The following NEB variants were observed in gnomAD, a reference collection of about 807,000 sequenced individuals.
NEB encodes the protein nemaline myopathy type 2.
Under a neutral mutation model 952.2 loss-of-function variants are expected in NEB, and 512 were observed. That is an observed-to-expected ratio of 0.54 (90% CI 0.50 to 0.58). The LOEUF (loss-of-function observed/expected upper bound fraction) is 0.58. Ranked by LOEUF, NEB falls within the 20% of genes least tolerant of loss-of-function variation. NEB has a pLI of 0.00. For synonymous variants in NEB, 2,900 were observed against 3,149.8 expected (o/e 0.92, Z 2.66); for missense variants, 8,428 against 9,231.1 (o/e 0.91, Z 3.56).
Position 151,567,427 on chromosome 2 carries a change from G to A in NEB, c.17897C>T (p.Pro5966Leu), listed in dbSNP as rs368912483. The change falls in exon 114 of 182, where the codon CCG becomes CTG. Residue 5966 changes from proline (P) to leucine (L), a missense_variant. Pro to Leu is a moderately conservative substitution (Grantham distance 98). This residue lies in a region of NEB where 3,374 missense variants were observed against 3,651.5 expected (regional missense o/e 0.92). Transcript: ENST00000397345. ...VKQKGHYVGV[P>L]TMRDDPKLVW... Reference sequence around the variant, plus strand: ...CAGCTTAGGATCATCTCTCATCGTCGGGACACCAACATAATGACCTTTTTG... The same window carrying A: ...CAGCTTAGGATCATCTCTCATCGTCAGGACACCAACATAATGACCTTTTTG... The A allele has an allele frequency of 7.2e-5, 116 of 1,613,224 alleles. 1 individual carries two copies. Among genetic ancestry groups the A allele is most frequent in the African/African-American group, 6.3e-4 (47 of 74,832 alleles).
intron 18 of NEB, among the ~76,000 whole-genome samples, 168 bp downstream of exon 18, chr2:151,695,410 T>C (rs2149291780): frequency 6.6e-6 from 1 of 152,354 alleles, no homozygotes; most frequent in East Asian, 1.9e-4. Context: ...ACACATATTT[T>C]GTAAGGTGAA....
At chr2:151,726,330 G>GA (rs886524528) in intron 5 of NEB, among the ~76,000 whole-genome samples, 2 of 152,126 alleles carry the variant, frequency 1.3e-5, no homozygotes, top group African/African-American at 4.8e-5. Flanking sequence ...AAGAAGTTAA[G>GA]AAAATCTTGT....
intron 52 of NEB, among the ~76,000 whole-genome samples, chr2:151,651,703 TAA>T (rs2099031446): frequency 6.6e-6 from 1 of 152,192 alleles, no homozygotes. Context: ...ACAGTGATAA[TAA>T]TGAGTATACT....
Position 151,525,219 on chromosome 2 carries a change from T to G in NEB, c.22216A>C (p.Met7406Leu). The G allele has an allele frequency of 6.2e-7, 1 of 1,614,008 alleles. No individual in the cohort carries two copies. Among genetic ancestry groups the G allele is most frequent in the Non-Finnish European group, 8.5e-7 (1 of 1,179,858 alleles). The change falls in exon 151 of 182, where the codon ATG (methionine) becomes CTG (leucine). Residue 7406 changes from methionine to leucine, a missense_variant. Around this residue, in one of 11 missense-constraint regions of NEB, gnomAD observed 3,374 missense variants for 3,651.5 expected, o/e 0.92. Transcript: ENST00000397345. ...TGTTTCACCTCTGGTGGCTCCAGCATGATGGAGTAGTTGGATTTTCCTTTC... is the reference window on the plus strand; with the variant it reads ...TGTTTCACCTCTGGTGGCTCCAGCAGGATGGAGTAGTTGGATTTTCCTTTC... ...KEKGKSNYSI[M>L]LEPPEVKHAM...
intron 76 of NEB, 81 bp from the exon 77 acceptor site, chr2:151,614,668 T>C (rs1248841103): frequency 1.4e-6 from 2 of 1,437,536 alleles, no homozygotes; most frequent in Non-Finnish European, 1.9e-6. Flanking sequence ...ACATTGTTTC[T>C]TTTTCTTTTC....
At chr2:151,493,096 A>G in intron 176 of NEB, 1 of 401,412 alleles carries the variant, frequency 2.5e-6, no homozygotes, top group East Asian at 4.7e-5. Context: ...GGGAAGGAAA[A>G]CATTGGCAAT....
intron 19 of NEB, 35 bp from the exon 20 acceptor site, chr2:151,694,471 A>G: frequency 6.2e-7 from 1 of 1,613,186 alleles, no homozygotes. Context: ...ATTCCACTCA[A>G]GAGGAAATGT....
At position 151,667,693 on chromosome 2, in the gene NEB, A is replaced by G. The variant is rs562629326; in HGVS notation, c.4719+111T>C. The G allele has an allele frequency of 7.6e-5, 53 of 698,698 alleles. No homozygotes were observed. In the East Asian group the frequency reaches 1.4e-3, roughly 18 times the overall value. 43.3% of individuals were successfully genotyped at this position (698,698 alleles called of 1,614,324 possible). On this transcript the variant is annotated intron_variant, in intron 40 of 181. Transcript: ENST00000397345. ...CAGGTACACGCCACCACATCTGGCT[A>G]ATTTTTTTTTTTATTTCTGTAGAGA...
intron 23 of NEB, 63 bp from the exon 24 acceptor site, chr2:151,690,888 TA>T (rs1315025973): frequency 1.6e-6 from 2 of 1,220,672 alleles, no homozygotes; most frequent in Non-Finnish European, 2.4e-6. Flanking sequence ...TGCGCTAACA[TA>T]AAAAATGGTT....
chr2:151,641,036 A>G (rs368941494), intron 60 of NEB, among the ~76,000 whole-genome samples: 1 of 152,190 alleles, frequency 6.6e-6, no homozygotes, highest in Non-Finnish European at 1.5e-5. Context: ...TATATGCTCA[A>G]TGATCCAAAA....
chr2:151,621,101 A>G (rs2098406862), intron 71 of NEB, 75 bp from the exon 72 acceptor site: 1 of 1,182,292 alleles, frequency 8.5e-7, no homozygotes, highest in Admixed American at 2.0e-5. Flanking sequence ...CCAAAGGAAG[A>G]CCACTTTTGG....
Position 151,727,761 on chromosome 2 carries a change from T to A in NEB, c.224A>T (p.Lys75Ile), listed in dbSNP as rs777761921. ...GGTCATGAACTTTGAAGGATCCACT[T>A]TCTTCCGGATGACCTTCCTCCTCTC... ...PVERRKVIRK[K>I]VDPSKFMTPY... Residue 75 changes from lysine (K) to isoleucine (I), a missense_variant, in exon 5 of 182, where the codon AAA becomes ATA. Physicochemically the swap from Lys to Ile is moderately radical, Grantham distance 102 (BLOSUM62 -3). Transcript: ENST00000397345. 1 of 1,613,734 alleles carries A rather than the reference T, an allele frequency of 6.2e-7. No homozygotes were observed. Among genetic ancestry groups the A allele is most frequent in the South Asian group, 1.1e-5 (1 of 91,082 alleles).
intron 72 of NEB, among the ~76,000 whole-genome samples, chr2:151,620,339 A>ATGTG (rs371405720): frequency 1.4e-5 from 1 of 73,662 alleles, no homozygotes; most frequent in African/African-American, 5.0e-5. Flanking sequence ...ATATATATGT[A>ATGTG]TGTGTGTGTA....
At chr2:151,612,468 A>G in intron 77 of NEB, 79 bp from the exon 78 acceptor site, 2 of 1,250,712 alleles carry the variant, frequency 1.6e-6, no homozygotes, top group East Asian at 2.5e-5. Flanking sequence ...ACATACACAG[A>G]TAATGTGTTA....
chr2:151,529,335 A>G (rs201536366), intron 145 of NEB, 21 bp from the exon 146 acceptor site: 9 of 1,502,696 alleles, frequency 6.0e-6, no homozygotes, highest in Non-Finnish European at 8.3e-6. Context: ...AAACACAGTG[A>G]CAAGATTAAT....
intron 4 of NEB, among the ~76,000 whole-genome samples, chr2:151,728,560 C>G (rs1167479412): frequency 6.6e-6 from 1 of 152,134 alleles, no homozygotes; most frequent in Non-Finnish European, 1.5e-5. Context: ...ATGATGACAA[C>G]ATAATGGGGT....
At chr2:151,499,011 G>C (rs1028212584) in intron 169 of NEB, among the ~76,000 whole-genome samples, 1 of 142,444 alleles carries the variant, frequency 7.0e-6, no homozygotes, top group Non-Finnish European at 1.5e-5. Flanking sequence ...TTTAGGTTCA[G>C]ATCAAATTTG....
At chr2:151,494,119 A>C in intron 174 of NEB, 42 bp downstream of exon 174, 2 of 1,501,280 alleles carry the variant, frequency 1.3e-6, no homozygotes, top group Non-Finnish European at 1.8e-6. Context: ...TGCAAGAGTT[A>C]TTTTGCAAAA....
rs181169785 is a variant in NEB, at chr2:151,570,980, C to T, written c.17014-379G>A. 1.4e-4 allele frequency among the ~76,000 whole-genome samples: 21 copies of T among 152,176 alleles called. No homozygotes were observed. In the East Asian group the frequency reaches 2.5e-3, roughly 18 times the overall value. ...CCACCACCTCAAGCATTTATCATGTCTGTGTCATAAACATTCCAATTATAC... is the reference window on the plus strand; with the variant it reads ...CCACCACCTCAAGCATTTATCATGTTTGTGTCATAAACATTCCAATTATAC... On this transcript the variant is annotated intron_variant, in intron 107 of 181. Coordinates refer to ENST00000397345, the MANE Select transcript of NEB (RefSeq NM_001164508.2).
Sources: gnomAD v4.1 joint callset for allele counts (sites outside exome capture counted in the v4.1 genomes callset) on GRCh38, gnomAD v4.1.1 for gene constraint, gnomAD v4.1.1 regional missense constraint, MANE v1.5 for transcripts, NCBI Gene and HGNC (gene_info 2026-07-23, HGNC 2026-07-21) for gene names.